LRP1B: variants seen among roughly 807,000 people sequenced by gnomAD.
LRP1B encodes the protein LDL receptor related protein 1B.
LRP1B carries 217 observed loss-of-function variants against 556.6 expected under a neutral mutation model. The ratio of observed to expected loss-of-function variants is 0.39; its 90% CI spans 0.35 to 0.44. The LOEUF is 0.44. LRP1B is among the 20% of genes least tolerant of loss of function. The pLI, the probability that LRP1B is intolerant of heterozygous loss-of-function variation, is 1.00. For synonymous variants in LRP1B, 2,047 were observed against 1,865.8 expected (o/e 1.10, Z -2.50); for missense variants, 5,053 against 5,620.8 (o/e 0.90, Z 3.23).
At chr2:140,407,251 T>C (rs944746061) in intron 66 of LRP1B, among the ~76,000 whole-genome samples, 4 of 151,976 alleles carry the variant, frequency 2.6e-5, no homozygotes, top group Admixed American at 6.6e-5. Context: ...GAAGACAACA[T>C]TGAAAAAACT....
chr2:141,070,375 A>T (rs1699604294), intron 7 of LRP1B, among the ~76,000 whole-genome samples: 1 of 151,398 alleles, frequency 6.6e-6, no homozygotes, highest in Non-Finnish European at 1.5e-5. Context: ...GGAAATTTAT[A>T]GCACTAAATG....
intron 56 of LRP1B, 43 bp from the exon 57 acceptor site, chr2:140,492,736 TGCTTTTCCCC>T: frequency 7.6e-7 from 1 of 1,311,994 alleles, no homozygotes; most frequent in Non-Finnish European, 1.1e-6. Context: ...TAAGTATGTA[TGCTTTTCCCC>T]TTTGCATAAT....
At chr2:140,429,685 C>A (rs980795913) in intron 66 of LRP1B, among the ~76,000 whole-genome samples, 4 of 152,248 alleles carry the variant, frequency 2.6e-5, no homozygotes, top group African/African-American at 9.6e-5. Context: ...ATGGTTAGTG[C>A]AGTCAGAATT....
At chr2:140,446,015 T>C (rs184295944) in intron 63 of LRP1B, among the ~76,000 whole-genome samples, 1 of 151,332 alleles carries the variant, frequency 6.6e-6, no homozygotes, top group East Asian at 1.9e-4. Context: ...TAAACATTCT[T>C]TAAAAAATAA....
chr2:141,366,158 T>C (rs1689028019), intron 3 of LRP1B, among the ~76,000 whole-genome samples: 1 of 152,190 alleles, frequency 6.6e-6, no homozygotes, highest in African/African-American at 2.4e-5. Flanking sequence ...AAATTACAGA[T>C]TATTTGGTCA....
rs1680972233 is a variant in LRP1B, at chr2:140,334,540, C to A, written c.12136G>T (p.Val4046Phe). Residue 4046 changes from valine (V) to phenylalanine (F), a missense_variant, in exon 79 of 91, where the codon GTT (valine) becomes TTT (phenylalanine). By Grantham distance (50) the Val-to-Phe change is conservative (BLOSUM62 -1). Coordinates refer to ENST00000389484, the MANE Select transcript of LRP1B (RefSeq NM_018557.3). ...TCTTCTATATGGGAATGATCCCCAA[C>A]AACAGTCCAGTACATCATCCTGAAG... The part of the protein sequence containing the change: ...PKRGMMYWTV[V>F]GDHSHIEEAA... 6 of 1,595,878 alleles carry A rather than the reference C, an allele frequency of 3.8e-6. No homozygotes were observed. Among genetic ancestry groups the A allele is most frequent in the Non-Finnish European group, 5.1e-6 (6 of 1,171,600 alleles).
chr2:140,359,704 A>G (rs1682417308), intron 72 of LRP1B, among the ~76,000 whole-genome samples: 1 of 151,472 alleles, frequency 6.6e-6, no homozygotes, highest in Non-Finnish European at 1.5e-5. Context: ...ACTCTCATTG[A>G]TTTACTACAT....
intron 74 of LRP1B, among the ~76,000 whole-genome samples, chr2:140,357,557 A>G (rs1353487070): frequency 6.6e-6 from 1 of 151,732 alleles, no homozygotes; most frequent in Non-Finnish European, 1.5e-5. Flanking sequence ...ACTAAAAAAA[A>G]AAATCACATC....
intron 41 of LRP1B, among the ~76,000 whole-genome samples, chr2:140,631,065 T>G (rs1683865576): frequency 6.6e-6 from 1 of 152,154 alleles, no homozygotes; most frequent in African/African-American, 2.4e-5. Context: ...GAAAAGTAGT[T>G]TTTAGGGAAA....
intron 5 of LRP1B, among the ~76,000 whole-genome samples, chr2:141,243,845 C>A: frequency 6.6e-6 from 1 of 152,194 alleles, no homozygotes; most frequent in Admixed American, 6.5e-5. Flanking sequence ...AATGAAAAGG[C>A]CTCCTGTCTA....
chr2:140,928,716 T>C (rs1338546106), intron 20 of LRP1B, among the ~76,000 whole-genome samples: 2 of 152,006 alleles, frequency 1.3e-5, no homozygotes, highest in Non-Finnish European at 2.9e-5. Flanking sequence ...CCATCAGGAA[T>C]GACTTGGTTA....
chr2:140,369,877 A>G (rs1460607945), intron 71 of LRP1B, among the ~76,000 whole-genome samples: 1 of 151,994 alleles, frequency 6.6e-6, no homozygotes, highest in African/African-American at 2.4e-5. Context: ...ATGTGGCAAT[A>G]TCTAGCACCA....
chr2:140,928,151 C>A (rs186065436), intron 20 of LRP1B, among the ~76,000 whole-genome samples: 20 of 152,154 alleles, frequency 1.3e-4, no homozygotes, highest in Admixed American at 1.2e-3. Context: ...TGTTCAGAGA[C>A]TTATTCTCAT....
intron 3 of LRP1B, among the ~76,000 whole-genome samples, chr2:141,357,149 G>A (rs1573851411): frequency 1.3e-5 from 2 of 151,678 alleles, no homozygotes; most frequent in Admixed American, 6.6e-5. Flanking sequence ...TCCACCTCCC[G>A]GGTTCAAGGG....
At chr2:140,786,806 A>G (rs1022213397) in intron 32 of LRP1B, among the ~76,000 whole-genome samples, 1 of 152,156 alleles carries the variant, frequency 6.6e-6, no homozygotes, top group Admixed American at 6.5e-5. Context: ...CACAGAGAAG[A>G]ACTGGAGAAT....
At chr2:140,801,582 ATTTTTTT>A (rs10545209) in intron 32 of LRP1B, among the ~76,000 whole-genome samples, 11 of 147,078 alleles carry the variant, frequency 7.5e-5, no homozygotes, top group African/African-American at 2.8e-4. Context: ...AATCTTACTA[ATTTTTTT>A]TTTTTTTTTG....
intron 1 of LRP1B, among the ~76,000 whole-genome samples, chr2:142,053,987 T>C (rs552687419): frequency 2.0e-5 from 3 of 152,116 alleles, no homozygotes; most frequent in Non-Finnish European, 4.4e-5. Context: ...GAGCTAATAG[T>C]TGAAGGATGG....
At chr2:140,814,123 C>A (rs547472800) in intron 31 of LRP1B, among the ~76,000 whole-genome samples, 2 of 152,076 alleles carry the variant, frequency 1.3e-5, no homozygotes, top group Admixed American at 6.6e-5. Flanking sequence ...TACAAATGTG[C>A]ACCACTATGC....
intron 1 of LRP1B, among the ~76,000 whole-genome samples, chr2:141,979,077 G>C (rs898646084): frequency 2.0e-5 from 3 of 151,798 alleles, no homozygotes; most frequent in African/African-American, 7.3e-5. Flanking sequence ...AAGTTATAAA[G>C]ACAATTATTT....
Sources: allele counts gnomAD v4.1 joint callset (sites outside exome capture counted in the v4.1 genomes callset), GRCh38; gene constraint gnomAD v4.1.1; transcripts MANE v1.5; gene names NCBI Gene and HGNC (gene_info 2026-07-23, HGNC 2026-07-21).